AGRN: variants seen among roughly 807,000 people sequenced by gnomAD.
The protein encoded by AGRN is agrin proteoglycan.
Under a neutral mutation model 211.0 loss-of-function variants are expected in AGRN, and 106 were observed. The observed-to-expected ratio is 0.50, with a 90% CI of 0.43 to 0.59. The LOEUF (loss-of-function observed/expected upper bound fraction) is 0.59, where lower values mean the gene tolerates loss of function less well. Among genes scored for constraint, AGRN ranks in the 20% least tolerant of loss-of-function variants. The pLI, the probability that AGRN is intolerant of heterozygous loss-of-function variation, is 0.00. For synonymous variants in AGRN, 1,525 were observed against 1,332.5 expected (o/e 1.14, Z -3.15); for missense variants, 3,040 against 2,982.6 (o/e 1.02, Z -0.45).
chr1:1,046,316 G>A (rs1337168168), intron 17 of AGRN, 51 bp downstream of exon 17: 4 of 1,610,940 alleles, frequency 2.5e-6, no homozygotes, highest in Non-Finnish European at 3.4e-6. Context: ...GCCTGACGCT[G>A]CCCTAAATCC....
rs1432373379 is a variant in AGRN, at chr1:1,047,604, A to G, written c.3548A>G (p.Lys1183Arg). The G allele has an allele frequency of 6.2e-7, 1 of 1,612,996 alleles. No homozygotes were observed. The highest frequency in any genetic ancestry group is 8.5e-7 in the Non-Finnish European group (1 of 1,180,016). ...GACCTCTTCCGGAATTCAGACGTCA[A>G]GAAGGATTTTCGGAGTGTCCGCTTG... ...LDDLFRNSDV[K>R]KDFRSVRLRD... Residue 1183 changes from lysine to arginine, a missense_variant, in exon 21 of 36, where the codon AAG becomes AGG. Coordinates refer to ENST00000379370, the MANE Select transcript of AGRN (RefSeq NM_198576.4).
intron 2 of AGRN, among the ~76,000 whole-genome samples, chr1:1,025,045 C>T (rs1169448476): frequency 6.6e-6 from 1 of 152,160 alleles, no homozygotes; most frequent in Admixed American, 6.5e-5. Context: ...CTCACAAAGG[C>T]TGGTCCTAGA....
chr1:1,033,776 C>T (rs1644730808), intron 2 of AGRN, among the ~76,000 whole-genome samples: 1 of 143,666 alleles, frequency 7.0e-6, no homozygotes, highest in Non-Finnish European at 1.5e-5. Flanking sequence ...CCAGTCCCGG[C>T]CCAGCCCCAG....
Position 1,035,470 on chromosome 1 carries a change from T to C in AGRN, c.511+146T>C, listed in dbSNP as rs1327525644. 1.1e-5 allele frequency: 12 copies of C among 1,136,092 alleles called. No homozygotes were observed. The Admixed American group carries it at 1.1e-4, about 10-fold the overall frequency. The allele number at this position is 1,136,092 out of a possible 1,614,324, so 70.4% of individuals were successfully genotyped here. ...AGGGCACCTGCGTCTGTCCTGGGAGTCCGCAGCGGTGGGCCGCAGTAGGAA... is the reference window on the plus strand; with the variant it reads ...AGGGCACCTGCGTCTGTCCTGGGAGCCCGCAGCGGTGGGCCGCAGTAGGAA... On this transcript the variant is annotated intron_variant, in intron 3 of 35. Transcript: ENST00000379370.
rs1262468222 is a variant in AGRN, at chr1:1,050,769, C to G, written c.5185C>G (p.Leu1729Val). The change falls in exon 30 of 36, where the codon CTG (leucine) becomes GTG (valine). Residue 1729 changes from leucine (L) to valine (V), a missense_variant. Coordinates refer to ENST00000379370, the MANE Select transcript of AGRN (RefSeq NM_198576.4). The stretch of plus-strand genomic sequence containing the variant: ...CCTGGGAGCCTGGACCAGGGTCTCA[C>G]TGGAGCGAAACGGCCGCAAGGGTGC... Reference protein sequence around the residue: ...VTLGAWTRVSLERNGRKGALR... With the variant: ...VTLGAWTRVSVERNGRKGALR... The G allele has an allele frequency of 6.2e-7, 1 of 1,603,470 alleles. No individual in the cohort carries two copies. The highest frequency in any genetic ancestry group is 8.5e-7 in the Non-Finnish European group (1 of 1,177,912).
chr1:1,052,298 G>A, intron 33 of AGRN: 1 of 351,876 alleles, frequency 2.8e-6, no homozygotes, highest in South Asian at 2.1e-5. Flanking sequence ...ACTTCCGCGT[G>A]TGTGAACATG....
chr1:1,026,342 G>A (rs1281378099), intron 2 of AGRN, among the ~76,000 whole-genome samples: 2 of 152,188 alleles, frequency 1.3e-5, no homozygotes, highest in Admixed American at 1.3e-4. Flanking sequence ...ACAGGTTCCT[G>A]TCCCTGCAAG....
chr1:1,043,952 G>A lies in AGRN; in HGVS notation c.1928G>A (p.Cys643Tyr). 6.2e-7 allele frequency: 1 copy of A among 1,606,352 alleles called. No individual in the cohort carries two copies. Among genetic ancestry groups the A allele is most frequent in the Non-Finnish European group, 8.5e-7 (1 of 1,178,814 alleles). ...GSDGVTYGSA[C>Y]ELREAACLQQ... ...GACGGTGTCACCTACGGCAGTGCCT[G>A]CGAGCTACGGGAAGCCGCCTGCCTC... Residue 643 changes from cysteine (C) to tyrosine (Y), a missense_variant, in exon 10 of 36, where the codon TGC (cysteine) becomes TAC (tyrosine). Cys to Tyr is a radical substitution (Grantham distance 194). Coordinates refer to ENST00000379370, the MANE Select transcript of AGRN (RefSeq NM_198576.4).
At chr1:1,033,856 C>T (rs1570167615) in intron 2 of AGRN, among the ~76,000 whole-genome samples, 2 of 151,030 alleles carry the variant, frequency 1.3e-5, no homozygotes, top group South Asian at 2.1e-4. Context: ...CCCCGCCTGC[C>T]CGGCGTTCCC....
intron 2 of AGRN, 130 bp downstream of exon 2, chr1:1,022,592 G>GTCTGACTGTGT: frequency 1.3e-6 from 1 of 759,974 alleles, no homozygotes; most frequent in African/African-American, 1.7e-5. Context: ...GTGTCTTGTG[G>GTCTGACTGTGT]TCCAACCTCA....
rs1044633670 is a variant in AGRN, at chr1:1,054,628, G to A, written c.5980+77G>A. ...CGAGGGACAGACTCCACCCCCCAGC[G>A]CCCACCCTTGAGTCAGGGTGCATGT... On this transcript the variant is annotated intron_variant, in intron 35 of 35. Transcript: ENST00000379370. The A allele has an allele frequency of 9.2e-5, 139 of 1,515,286 alleles. No individual in the cohort carries two copies. The Middle Eastern group carries it at 2.1e-3, about 23-fold the overall frequency. 93.9% of individuals were successfully genotyped at this position (1,515,286 alleles called of 1,614,324 possible). A position where few individuals can be genotyped will look rare whatever the true frequency, so the allele number is the denominator to read the frequency against.
chr1:1,049,434 C>G lies in AGRN; in HGVS notation c.4497C>G (p.Pro1499=), dbSNP rs570742550. ...CAGACCTCTTTGTGGGCGGCGTACC[C>G]GAGGACCAGGCTGCCGTGTGAGTCC... ...LDTDLFVGGV[P]EDQAAVALER... Residue 1499 remains proline (P), a synonymous_variant, in exon 25 of 36, where the codon CCC becomes CCG. Coordinates refer to ENST00000379370, the MANE Select transcript of AGRN (RefSeq NM_198576.4). The G allele has an allele frequency of 5.0e-6, 8 of 1,599,430 alleles. No individual in the cohort carries two copies. The African/African-American group carries it at 9.3e-5, about 19-fold the overall frequency.
rs768333859 is a variant in AGRN, at chr1:1,054,848, G to T, written c.6005G>T (p.Gly2002Val). The T allele has an allele frequency of 1.3e-6, 2 of 1,559,548 alleles. No homozygotes were observed. Among genetic ancestry groups the T allele is most frequent in the Admixed American group, 3.8e-5 (2 of 53,004 alleles). ...WLGGLPELPV[G>V]PALPKAYGTG... ...GGGGGCCTGCCGGAGCTGCCCGTGG[G>T]CCCAGCACTGCCCAAGGCCTACGGC... Residue 2002 changes from glycine (G) to valine (V), a missense_variant, in exon 36 of 36, where the codon GGC becomes GTC. By Grantham distance (109) the Gly-to-Val change is moderately radical. Around this residue, in one of 3 missense-constraint regions of AGRN, gnomAD observed 1,537 missense variants for 1,505.0 expected, o/e 1.02. Transcript: ENST00000379370.
Position 1,050,824 on chromosome 1 carries a change from T to G in AGRN, c.5240T>G (p.Leu1747Trp). The change falls in exon 30 of 36, where the codon TTG becomes TGG. Residue 1747 changes from leucine to tryptophan, a missense_variant. Transcript: ENST00000379370. ...CGTGTGGGCGACGGCCCCCGTGTGT[T>G]GGGGGAGTCCCCGGTGAGTGCTCTG... ...ALRVGDGPRV[L>W]GESPVPHTVL... 6.3e-7 allele frequency: 1 copy of G among 1,582,406 alleles called. No homozygotes were observed. Among genetic ancestry groups the G allele is most frequent in the Non-Finnish European group, 8.6e-7 (1 of 1,168,704 alleles).
intron 3 of AGRN, among the ~76,000 whole-genome samples, chr1:1,037,558 A>G (rs899274912): frequency 6.7e-6 from 1 of 148,492 alleles, no homozygotes; most frequent in Non-Finnish European, 1.5e-5. Context: ...ACACAGTGGG[A>G]GGACCCGTCA....
At chr1:1,040,238 G>T (rs1459421390) in intron 3 of AGRN, among the ~76,000 whole-genome samples, 2 of 152,218 alleles carry the variant, frequency 1.3e-5, no homozygotes, top group African/African-American at 4.8e-5. Context: ...CTCCGGTGCC[G>T]ATGTGGAAGG....
chr1:1,046,344 G>A, intron 17 of AGRN, 53 bp from the exon 18 acceptor site: 1 of 1,604,968 alleles, frequency 6.2e-7, no homozygotes. Flanking sequence ...CCCGCCCTGA[G>A]CCACCTGACC....
intron 1 of AGRN, 46 bp downstream of exon 1, chr1:1,020,419 C>A: frequency 6.8e-7 from 1 of 1,472,262 alleles, no homozygotes. Context: ...GCCTGCCGCC[C>A]CGCCGGGACC....
chr1:1,053,492 A>G (rs1645367408), intron 33 of AGRN: 1 of 1,514,034 alleles, frequency 6.6e-7, no homozygotes, highest in East Asian at 2.6e-5. Flanking sequence ...GGCCCTTCAC[A>G]GGTGAGCACG....
Sources: allele counts gnomAD v4.1 joint callset (sites outside exome capture counted in the v4.1 genomes callset), GRCh38; gene constraint gnomAD v4.1.1; regional missense constraint gnomAD v4.1.1; transcripts MANE v1.5; gene names NCBI Gene and HGNC (gene_info 2026-07-23, HGNC 2026-07-21).